Variants in NDUFS1 observed in about 807,000 individuals in gnomAD.
The protein encoded by NDUFS1 is NADH:ubiquinone oxidoreductase core subunit S1.
Under a neutral mutation model 84.4 loss-of-function variants are expected in NDUFS1, and 61 were observed. That is an observed-to-expected ratio of 0.72 (90% CI 0.59 to 0.89). The LOEUF is 0.89. NDUFS1 is among the 40% of genes least tolerant of loss of function. NDUFS1 has a pLI of 0.00. For synonymous variants in NDUFS1, 275 were observed against 290.0 expected, an observed-to-expected ratio of 0.95 and a Z score of 0.53; for missense variants, 891 against 890.0, an observed-to-expected ratio of 1.00 and a Z score of -0.01.
Position 206,125,758 on chromosome 2 carries a change from G to A in NDUFS1, c.2092+781C>T, listed in dbSNP as rs990199910. On this transcript the variant is annotated intron_variant, in intron 18 of 18. Transcript: ENST00000233190. ...TTGTACAGAATACTTCATCACCGAG[G>A]AATTAAGCCCAGTACCCAAGACTTA... is the stretch of plus-strand genomic sequence containing the variant. Among the ~76,000 whole-genome samples the A allele has an allele frequency of 4.6e-5, 7 of 151,774 alleles. No homozygotes were observed. The South Asian group carries it at 1.5e-3, about 32-fold the overall frequency.
intron 16 of NDUFS1, chr2:206,127,474 C>G (rs1329191545): frequency 3.9e-6 from 1 of 256,630 alleles, no homozygotes; most frequent in African/African-American, 2.3e-5. Context: ...GCTGAGATCA[C>G]GCCACTGCAC....
chr2:206,140,256 G>C (rs1691884658), intron 12 of NDUFS1, among the ~76,000 whole-genome samples: 1 of 152,064 alleles, frequency 6.6e-6, no homozygotes, highest in South Asian at 2.1e-4. Flanking sequence ...GGTTGTGGTG[G>C]GAGCATCATT....
chr2:206,135,086 T>A (rs1464534763), intron 13 of NDUFS1, among the ~76,000 whole-genome samples: 2 of 151,784 alleles, frequency 1.3e-5, no homozygotes. Flanking sequence ...TGGCATGATC[T>A]CGGCTCACTG....
intron 5 of NDUFS1, among the ~76,000 whole-genome samples, chr2:206,148,270 T>C (rs1692237612): frequency 6.6e-6 from 1 of 152,202 alleles, no homozygotes; most frequent in South Asian, 2.1e-4. Context: ...ATATTTGTTA[T>C]ACAATTAATA....
At chr2:206,150,954 C>T (rs760962843) in intron 3 of NDUFS1, among the ~76,000 whole-genome samples, 4 of 151,814 alleles carry the variant, frequency 2.6e-5, no homozygotes, top group African/African-American at 7.2e-5. Flanking sequence ...TTCTGTACGA[C>T]GGGGGAAAAA....
intron 13 of NDUFS1, among the ~76,000 whole-genome samples, chr2:206,136,397 A>G (rs1026975900): frequency 6.7e-6 from 1 of 150,008 alleles, no homozygotes; most frequent in Non-Finnish European, 1.5e-5. Context: ...CTTGTGTGAC[A>G]AACAGAAACT....
chr2:206,129,964 A>T (rs1427296902), intron 15 of NDUFS1, 124 bp downstream of exon 15: 3 of 1,042,862 alleles, frequency 2.9e-6, no homozygotes, highest in Non-Finnish European at 4.4e-6. Context: ...AAAAAGGAGG[A>T]GGAGTGGGGG....
Position 206,142,818 on chromosome 2 carries a change from T to C in NDUFS1, c.1001A>G (p.Gln334Arg). The change falls in exon 11 of 19, where the codon CAA becomes CGA. Residue 334 changes from glutamine to arginine, a missense_variant. Transcript: ENST00000233190. ...TGCAATTGCTGCCACATCTTTGCCT[T>C]GAAAACTCTGCAACTAGAAACAGAT... is the stretch of plus-strand genomic sequence containing the variant. ...SRVAGMLQSF[Q>R]GKDVAAIAGG... 1.9e-6 allele frequency: 3 copies of C among 1,614,114 alleles called. No homozygotes were observed. The highest frequency in any genetic ancestry group is 2.2e-5 in the South Asian group (2 of 91,072).
At chr2:206,130,287 A>G in intron 14 of NDUFS1, 45 bp from the exon 15 acceptor site, 2 of 1,599,656 alleles carry the variant, frequency 1.3e-6, no homozygotes, top group Non-Finnish European at 1.7e-6. Context: ...AGTATTTTCA[A>G]TGTAAAAAAT....
intron 13 of NDUFS1, among the ~76,000 whole-genome samples, chr2:206,136,437 T>TG (rs1241646481): frequency 1.7e-5 from 2 of 119,074 alleles, no homozygotes; most frequent in South Asian, 2.4e-4. Flanking sequence ...GTTTTTTTTT[T>TG]GTTTTTTTTT....
intron 11 of NDUFS1, among the ~76,000 whole-genome samples, chr2:206,142,371 T>TGC (rs1691995996): frequency 6.6e-6 from 1 of 152,020 alleles, no homozygotes; most frequent in African/African-American, 2.4e-5. Flanking sequence ...CACCACCACG[T>TGC]CTGGCTAATT....
chr2:206,148,837 C>T (rs1223817545), intron 5 of NDUFS1, among the ~76,000 whole-genome samples, 183 bp downstream of exon 5: 1 of 152,156 alleles, frequency 6.6e-6, no homozygotes, highest in Non-Finnish European at 1.5e-5. Context: ...AAGCTCAATA[C>T]CATAAACTCC....
intron 13 of NDUFS1, among the ~76,000 whole-genome samples, chr2:206,136,139 C>T (rs1691702276): frequency 6.6e-6 from 1 of 151,742 alleles, no homozygotes; most frequent in African/African-American, 2.4e-5. Context: ...CAACCTCTGC[C>T]TCCTGGGTTC....
rs1328375213 is a variant in NDUFS1 at position 206,133,046 on chromosome 2, A to C, written c.1452T>G (p.Asn484Lys). The C allele has an allele frequency of 6.2e-7, 1 of 1,613,092 alleles. No homozygotes were observed. ...CAGCTGCAAGAATTGCTGCTCCATC[A>C]TTTCTTTGGAGTGCAGAACTGCCTA... ...VVLGSSALQR[N>K]DGAAILAAVS... Residue 484 changes from asparagine (N) to lysine (K), a missense_variant, in exon 14 of 19, where the codon AAT (asparagine) becomes AAG (lysine). Asn to Lys is a moderately conservative substitution (Grantham distance 94). Coordinates refer to ENST00000233190, the MANE Select transcript of NDUFS1 (RefSeq NM_005006.7).
chr2:206,121,480 G>C lies in NDUFS1; in HGVS notation c.*2705C>G, dbSNP rs1199669783. On this transcript the variant is annotated 3_prime_UTR_variant, in exon 19 of 19. Transcript: ENST00000233190. ...TATTTATTTTTTGAGAGGGAGGCTT[G>C]TTTCTTCACCCAGGCTGCAGTGCAA... The C allele has an allele frequency of 1.3e-5, 2 of 152,132 alleles. No homozygotes were observed. Among genetic ancestry groups the C allele is most frequent in the African/African-American group, 4.8e-5 (2 of 41,398 alleles). 9.4% of individuals were successfully genotyped at this position (152,132 alleles called of 1,614,324 possible).
chr2:206,144,365 A>G (rs1012088160), intron 9 of NDUFS1, among the ~76,000 whole-genome samples: 4 of 152,250 alleles, frequency 2.6e-5, no homozygotes. Flanking sequence ...CCCTTAAATC[A>G]TACAAAAAAA....
intron 2 of NDUFS1, among the ~76,000 whole-genome samples, chr2:206,153,156 T>A (rs1365653545): frequency 6.6e-6 from 1 of 152,106 alleles, no homozygotes; most frequent in Non-Finnish European, 1.5e-5. Flanking sequence ...AAAGTAAAAT[T>A]ATATTTTGAA....
Position 206,130,161 on chromosome 2 carries a change from C to G in NDUFS1, c.1635G>C (p.Leu545=), listed in dbSNP as rs1410345560. The G allele has an allele frequency of 1.2e-6, 2 of 1,614,148 alleles. No individual in the cohort carries two copies. Among genetic ancestry groups the G allele is most frequent in the Non-Finnish European group, 1.7e-6 (2 of 1,179,988 alleles). The change falls in exon 15 of 19, where the codon CTG becomes CTC. Residue 545 remains leucine, a synonymous_variant. Coordinates refer to ENST00000233190, the MANE Select transcript of NDUFS1 (RefSeq NM_005006.7). The part of the protein sequence containing the change: ...EAIRKNPPKV[L]FLLGADGGCI... The stretch of plus-strand genomic sequence containing the variant: ...AACCTCCATCTGCTCCCAGGAGAAA[C>G]AGCACCTTGGGAGGGTTCTTCCGAA...
intron 8 of NDUFS1, 152 bp from the exon 9 acceptor site, chr2:206,145,178 A>AC: frequency 4.1e-6 from 3 of 724,588 alleles, no homozygotes; most frequent in South Asian, 2.3e-5. Flanking sequence ...AAATAAAAGA[A>AC]CCCCCCACCT....
Sources: gnomAD v4.1 joint callset for allele counts (sites outside exome capture counted in the v4.1 genomes callset) on GRCh38, gnomAD v4.1.1 for gene constraint, MANE v1.5 for transcripts, NCBI Gene and HGNC (gene_info 2026-07-23, HGNC 2026-07-21) for gene names.